Variants in FRRS1 observed in about 807,000 individuals in gnomAD.
The protein encoded by FRRS1 is ferric chelate reductase 1, also known as ferric reductase 1.
FRRS1 carries 51 observed loss-of-function variants against 70.7 expected under a neutral mutation model. The observed-to-expected ratio is 0.72, with a 90% CI of 0.58 to 0.91. The LOEUF (loss-of-function observed/expected upper bound fraction) is 0.91. Among genes scored for constraint, FRRS1 ranks in the 40% least tolerant of loss-of-function variants. FRRS1 has a pLI of 0.00. For synonymous variants in FRRS1, 225 were observed against 238.7 expected (o/e 0.94, Z 0.53); for missense variants, 672 against 726.0 (o/e 0.93, Z 0.86).
rs570786028 is a variant in FRRS1, at chr1:99,706,663, G to A, written c.*2365C>T. ...AATCCCAGCACTTTGGGAGGCTGAG[G>A]CGGGTGGATTACTTTAGACCAGGAG... On this transcript the variant is annotated 3_prime_UTR_variant, in exon 17 of 17. Transcript: ENST00000646001. Among the ~76,000 whole-genome samples the A allele has an allele frequency of 1.4e-4, 22 of 152,236 alleles. No homozygotes were observed. In the East Asian group the frequency reaches 4.2e-3, roughly 29 times the overall value.
At position 99,706,224 on chromosome 1, in the gene FRRS1, C is replaced by CAAAAA. The variant is rs60761211; in HGVS notation, c.*2799_*2803dup. ...CAACAAAGGGAGATCCCTTCTCTAC[C>CAAAAA]AAAAAAAAAAAAAAATTTTTTTTTA... On this transcript the variant is annotated 3_prime_UTR_variant, in exon 17 of 17. Transcript: ENST00000646001. Among the ~76,000 whole-genome samples the CAAAAA allele has an allele frequency of 1.4e-5, 2 of 139,506 alleles. No individual in the cohort carries two copies. The highest frequency in any genetic ancestry group is 2.3e-4 in the South Asian group (1 of 4,354). 91.5% of individuals were successfully genotyped at this position (139,506 alleles called of 152,430 possible). A position where few individuals can be genotyped will look rare whatever the true frequency, so the allele number is the denominator to read the frequency against.
intron 1 of FRRS1, among the ~76,000 whole-genome samples, chr1:99,758,277 T>C (rs1026423601): frequency 6.6e-6 from 1 of 152,244 alleles, no homozygotes; most frequent in Non-Finnish European, 1.5e-5. Context: ...AGCTTAATTT[T>C]AATAATGAAT....
In FRRS1 at chr1:99,747,417, C is replaced by T. The variant is rs1254806770; in HGVS notation, c.210G>A (p.Gly70=). 4 of 1,609,622 alleles carry T rather than the reference C, an allele frequency of 2.5e-6. No individual in the cohort carries two copies. Among genetic ancestry groups the T allele is most frequent in the Non-Finnish European group, 1.7e-6 (2 of 1,178,742 alleles). Residue 70 remains glycine, a synonymous_variant, in exon 4 of 17, where the codon GGG becomes GGA. Coordinates refer to ENST00000646001, the MANE Select transcript of FRRS1 (RefSeq NM_001361041.2). ...CTAGGAGAAAGCCTTTAAATGGATG[C>T]CCTGACAAAGTAACTGAGAAAAAGA... ...PGDQIEVTLS[G]HPFKGFLLEA...
rs557134730 is a variant in FRRS1, at chr1:99,712,415, T to C, written c.1421+3A>G. ...AGCATTTATATAGAAAGGCTCTAAG[T>C]ACCTTGGGTCATGTAAAGGTGGCCT... On this transcript the variant is annotated splice_donor_region_variant and intron_variant, in intron 13 of 16. Transcript: ENST00000646001. 1.9e-6 allele frequency: 3 copies of C among 1,585,072 alleles called. No individual in the cohort carries two copies. In the African/African-American group the frequency reaches 4.0e-5, roughly 21 times the overall value.
intron 4 of FRRS1, among the ~76,000 whole-genome samples, chr1:99,746,517 G>A (rs1261597439): frequency 6.6e-6 from 1 of 152,190 alleles, no homozygotes; most frequent in East Asian, 1.9e-4. Context: ...AAAGGTGGGG[G>A]ACGAAGGGTT....
chr1:99,721,569 C>CTCTCCATGGTTA, intron 9 of FRRS1, among the ~76,000 whole-genome samples: 1 of 151,732 alleles, frequency 6.6e-6, no homozygotes, highest in African/African-American at 2.4e-5. Flanking sequence ...GTAGTAGTAA[C>CTCTCCATGGTTA]CATGGAGAGT....
intron 8 of FRRS1, among the ~76,000 whole-genome samples, chr1:99,729,345 A>C (rs1655233026): frequency 1.1e-5 from 1 of 92,280 alleles, no homozygotes; most frequent in Non-Finnish European, 2.4e-5. Flanking sequence ...CCCGTCTGTA[A>C]GCTTTTGAAA....
chr1:99,728,601 C>A lies in FRRS1; in HGVS notation c.898G>T (p.Val300Phe), dbSNP rs757441314. Reference protein sequence around the residue: ...EDMAWRLADGVMQCSFRRNIT... With the variant: ...EDMAWRLADGFMQCSFRRNIT... ...TTTCTTCTGAAAGAACACTGCATAA[C>A]ACCGTCCGCCAACCTCCAAGCCATA... The change falls in exon 9 of 17, where the codon GTT (valine) becomes TTT (phenylalanine). Residue 300 changes from valine to phenylalanine, a missense_variant. Val to Phe is a conservative substitution (Grantham distance 50). Transcript: ENST00000646001. 1 of 1,614,006 alleles carries A rather than the reference C, an allele frequency of 6.2e-7. No individual in the cohort carries two copies. Among genetic ancestry groups the A allele is most frequent in the Non-Finnish European group, 8.5e-7 (1 of 1,179,912 alleles).
intron 15 of FRRS1, among the ~76,000 whole-genome samples, chr1:99,709,825 G>A (rs1331321441): frequency 2.0e-5 from 3 of 152,052 alleles, no homozygotes; most frequent in Non-Finnish European, 2.9e-5. Flanking sequence ...AAACTTAGCT[G>A]GGTATGATAG....
intron 10 of FRRS1, among the ~76,000 whole-genome samples, chr1:99,718,973 G>A (rs1654670020): frequency 6.6e-6 from 1 of 152,112 alleles, no homozygotes; most frequent in African/African-American, 2.4e-5. Context: ...TGATTTTAGT[G>A]TGTAGCCAAG....
intron 1 of FRRS1, chr1:99,765,553 A>G (rs1439686456): frequency 6.6e-6 from 1 of 151,478 alleles, no homozygotes; most frequent in Non-Finnish European, 1.5e-5. Context: ...GTGAGCCGAA[A>G]TCCCGCCGTT....
chr1:99,763,640 G>C (rs781480840), intron 1 of FRRS1, among the ~76,000 whole-genome samples: 1 of 152,014 alleles, frequency 6.6e-6, no homozygotes, highest in Non-Finnish European at 1.5e-5. Context: ...AGGCCCAGGC[G>C]GGCAGATCAC....
At chr1:99,744,222 G>A (rs184817279) in intron 4 of FRRS1, among the ~76,000 whole-genome samples, 2 of 152,154 alleles carry the variant, frequency 1.3e-5, no homozygotes, top group African/African-American at 4.8e-5. Flanking sequence ...TGTAAGAAAG[G>A]GATACTTATA....
rs368329265 is a variant in FRRS1, at chr1:99,705,648, C to T, written c.*3380G>A. Among the ~76,000 whole-genome samples the T allele has an allele frequency of 1.2e-4, 19 of 152,254 alleles. No homozygotes were observed. Among genetic ancestry groups the T allele is most frequent in the African/African-American group, 4.6e-4 (19 of 41,534 alleles). On this transcript the variant is annotated 3_prime_UTR_variant, in exon 17 of 17. Transcript: ENST00000646001. ...GCTTAACACACATTAGAGACAAAAT[C>T]CTTGACAAAAATAAAGTACTAAAGT...
intron 1 of FRRS1, among the ~76,000 whole-genome samples, chr1:99,761,133 G>A (rs191440142): frequency 5.5e-4 from 83 of 151,842 alleles, no homozygotes; most frequent in African/African-American, 2.0e-3. Flanking sequence ...TTTGTTTTGG[G>A]GGGGTGGGGG....
At chr1:99,740,747 C>G (rs181855753) in intron 6 of FRRS1, 46 bp downstream of exon 6, 2 of 1,358,046 alleles carry the variant, frequency 1.5e-6, no homozygotes, top group Non-Finnish European at 2.1e-6. Context: ...GCCTGGGCAA[C>G]ATGGTGAAAC....
At chr1:99,750,992 C>T (rs1656543000) in intron 1 of FRRS1, among the ~76,000 whole-genome samples, 3 of 152,092 alleles carry the variant, frequency 2.0e-5, no homozygotes, top group African/African-American at 7.2e-5. Flanking sequence ...GAATGTATTT[C>T]TAAAAGAGGT....
intron 4 of FRRS1, among the ~76,000 whole-genome samples, chr1:99,746,354 A>G (rs1236869959): frequency 5.3e-5 from 8 of 152,244 alleles, no homozygotes; most frequent in Non-Finnish European, 1.5e-5. Context: ...CATTGAAGAT[A>G]CTATCGTTAT....
intron 1 of FRRS1, among the ~76,000 whole-genome samples, chr1:99,762,966 A>G (rs1402692315): frequency 6.6e-6 from 1 of 152,138 alleles, no homozygotes; most frequent in Non-Finnish European, 1.5e-5. Flanking sequence ...CAGATTAATA[A>G]AACACTTTCA....
Sources: gnomAD v4.1 joint callset for allele counts (sites outside exome capture counted in the v4.1 genomes callset) on GRCh38, gnomAD v4.1.1 for gene constraint, MANE v1.5 for transcripts, NCBI Gene and HGNC (gene_info 2026-07-23, HGNC 2026-07-21) for gene names.